Variants in ITFG1 observed in about 807,000 individuals in gnomAD.
ITFG1 encodes the protein T-cell immunomodulatory protein.
Under a neutral mutation model 81.8 loss-of-function variants are expected in ITFG1, and 34 were observed. The ratio of observed to expected loss-of-function variants is 0.42; its 90% CI spans 0.32 to 0.55. The LOEUF is 0.55. ITFG1 is among the 20% of genes least tolerant of loss of function. The probability of loss-of-function intolerance (pLI) is 0.17; values close to 1 mark genes in which losing one functional copy is unlikely to be tolerated. For synonymous variants in ITFG1, 285 were observed against 270.6 expected, an observed-to-expected ratio of 1.05 and a Z score of -0.52; for missense variants, 672 against 755.4, an observed-to-expected ratio of 0.89 and a Z score of 1.29.
At chr16:47,328,824 C>G (rs556992507) in intron 8 of ITFG1, among the ~76,000 whole-genome samples, 1 of 152,128 alleles carries the variant, frequency 6.6e-6, no homozygotes, top group Non-Finnish European at 1.5e-5. Context: ...CCTATTATGA[C>G]AAACTACTAG....
chr16:47,327,113 G>C (rs1392703909), intron 8 of ITFG1, among the ~76,000 whole-genome samples: 2 of 152,126 alleles, frequency 1.3e-5, no homozygotes, highest in Non-Finnish European at 2.9e-5. Context: ...CATGGCACTG[G>C]TACCAAAACA....
At chr16:47,351,907 C>T (rs1259171183) in intron 8 of ITFG1, among the ~76,000 whole-genome samples, 2 of 152,114 alleles carry the variant, frequency 1.3e-5, no homozygotes, top group Admixed American at 6.5e-5. Context: ...AATAATACCA[C>T]ACATCTACAA....
At chr16:47,351,361 A>C (rs1450313940) in intron 8 of ITFG1, among the ~76,000 whole-genome samples, 7 of 152,238 alleles carry the variant, frequency 4.6e-5, no homozygotes, top group Non-Finnish European at 8.8e-5. Context: ...ACTTCAGCAA[A>C]GTCTCAGGAT....
At chr16:47,197,109 A>T (rs1037744340) in intron 14 of ITFG1, among the ~76,000 whole-genome samples, 1 of 152,222 alleles carries the variant, frequency 6.6e-6, no homozygotes, top group Non-Finnish European at 1.5e-5. Flanking sequence ...ATATTTCTTT[A>T]ACATATTTTG....
chr16:47,192,369 C>T (rs1334234578), intron 14 of ITFG1, among the ~76,000 whole-genome samples: 1 of 152,070 alleles, frequency 6.6e-6, no homozygotes, highest in Non-Finnish European at 1.5e-5. Flanking sequence ...TTTTTGTTTC[C>T]TCTGTAGTAT....
At chr16:47,223,024 C>T (rs1478680096) in intron 13 of ITFG1, among the ~76,000 whole-genome samples, 2 of 151,692 alleles carry the variant, frequency 1.3e-5, no homozygotes, top group South Asian at 2.1e-4. Context: ...GGAAAACTGG[C>T]TAGCCATATG....
At chr16:47,391,816 T>C (rs1163848993) in intron 6 of ITFG1, among the ~76,000 whole-genome samples, 1 of 152,206 alleles carries the variant, frequency 6.6e-6, no homozygotes, top group East Asian at 1.9e-4. Flanking sequence ...AATTCAGTTA[T>C]ATTACCTTTG....
Position 47,382,275 on chromosome 16 carries a change from A to T in ITFG1, c.656-6335T>A, listed in dbSNP as rs577881756. On this transcript the variant is annotated intron_variant, in intron 6 of 17. Coordinates refer to ENST00000320640, the MANE Select transcript of ITFG1 (RefSeq NM_030790.5). ...GCAGAAGATCAACCCTATTTCCTAT[A>T]TCAAATAATTCTGCCAGATCATATT... 2.0e-5 allele frequency among the ~76,000 whole-genome samples: 3 copies of T among 152,352 alleles called. No individual in the cohort carries two copies. The South Asian group carries it at 6.2e-4, about 32-fold the overall frequency.
chr16:47,347,675 C>A (rs1967878371), intron 8 of ITFG1, among the ~76,000 whole-genome samples: 2 of 152,238 alleles, frequency 1.3e-5, no homozygotes, highest in Non-Finnish European at 2.9e-5. Flanking sequence ...CTGTTCCTGT[C>A]TGACAGCTTT....
At chr16:47,452,180 G>A (rs1408349499) in intron 4 of ITFG1, among the ~76,000 whole-genome samples, 1 of 152,158 alleles carries the variant, frequency 6.6e-6, no homozygotes, top group Non-Finnish European at 1.5e-5. Flanking sequence ...AAGAAAGACA[G>A]TACTGGAAAC....
chr16:47,450,728 A>G (rs1473079810), intron 5 of ITFG1, among the ~76,000 whole-genome samples: 3 of 152,228 alleles, frequency 2.0e-5, no homozygotes, highest in Admixed American at 1.3e-4. Context: ...CTTATCAGAT[A>G]CAGAAAAAAA....
intron 14 of ITFG1, among the ~76,000 whole-genome samples, chr16:47,182,653 A>G (rs556654751): frequency 2.8e-4 from 43 of 152,350 alleles, no homozygotes; most frequent in African/African-American, 1.0e-3. Flanking sequence ...TAGAATTAGA[A>G]TAACTATAGC....
intron 6 of ITFG1, among the ~76,000 whole-genome samples, chr16:47,397,002 C>G (rs574897233): frequency 6.6e-6 from 1 of 152,114 alleles, no homozygotes; most frequent in South Asian, 2.1e-4. Context: ...CTCCAGTGAA[C>G]TAGAAATTGA....
chr16:47,346,066 C>T (rs905000833), intron 8 of ITFG1, among the ~76,000 whole-genome samples: 2 of 152,142 alleles, frequency 1.3e-5, no homozygotes, highest in Non-Finnish European at 2.9e-5. Context: ...CAGCAAAATA[C>T]ACATACTTTG....
intron 10 of ITFG1, among the ~76,000 whole-genome samples, chr16:47,302,720 C>T (rs1323375499): frequency 4.6e-5 from 7 of 152,176 alleles, no homozygotes; most frequent in South Asian, 4.1e-4. Flanking sequence ...ACAACTTCTC[C>T]GTAATGCACC....
At chr16:47,255,395 G>C (rs1239881568) in intron 12 of ITFG1, among the ~76,000 whole-genome samples, 3 of 152,140 alleles carry the variant, frequency 2.0e-5, no homozygotes, top group African/African-American at 7.2e-5. Flanking sequence ...ATCTGCAAAA[G>C]ATGGGTAGAC....
chr16:47,206,970 T>C (rs894287437), intron 14 of ITFG1, among the ~76,000 whole-genome samples: 1 of 152,218 alleles, frequency 6.6e-6, no homozygotes, highest in Non-Finnish European at 1.5e-5. Context: ...ATGGACCTCT[T>C]TTTGCTTTTA....
intron 14 of ITFG1, among the ~76,000 whole-genome samples, chr16:47,199,047 G>A (rs1342962721): frequency 6.6e-6 from 1 of 152,184 alleles, no homozygotes; most frequent in African/African-American, 2.4e-5. Context: ...GCTGAGACAG[G>A]TGGATCACTT....
chr16:47,375,494 A>G (rs892731090), intron 7 of ITFG1, among the ~76,000 whole-genome samples: 1 of 152,102 alleles, frequency 6.6e-6, no homozygotes, highest in African/African-American at 2.4e-5. Flanking sequence ...TTATTTCTTT[A>G]TATAAGCCTA....
Sources: allele counts gnomAD v4.1 joint callset (sites outside exome capture counted in the v4.1 genomes callset), GRCh38; gene constraint gnomAD v4.1.1; transcripts MANE v1.5; gene names NCBI Gene and HGNC (gene_info 2026-07-23, HGNC 2026-07-21).